The following DOK6 variants were observed in gnomAD, a reference collection of about 807,000 sequenced individuals.
DOK6 encodes docking protein 6.
Under a neutral mutation model 44.0 loss-of-function variants are expected in DOK6, and 22 were observed. The observed-to-expected ratio is 0.50, with a 90% confidence interval of 0.36 to 0.71. The LOEUF (loss-of-function observed/expected upper bound fraction) is 0.71, where lower values mean the gene tolerates loss of function less well. Ranked by LOEUF, DOK6 falls within the 30% of genes least tolerant of loss-of-function variation. DOK6 has a pLI of 0.00. For missense variants in DOK6, 340 were observed against 416.4 expected (o/e 0.82, Z 1.60); for synonymous variants, 166 against 145.5 (o/e 1.14, Z -1.01).
At chr18:69,436,712 C>A (rs1490368699) in intron 1 of DOK6, among the ~76,000 whole-genome samples, 1 of 152,160 alleles carries the variant, frequency 6.6e-6, no homozygotes, top group Non-Finnish European at 1.5e-5. Flanking sequence ...ATTTCTGGTT[C>A]TAGATCCTTG....
intron 7 of DOK6, among the ~76,000 whole-genome samples, chr18:69,815,431 T>C (rs1981370257): frequency 1.3e-5 from 2 of 152,150 alleles, no homozygotes. Flanking sequence ...ACGATAGAGA[T>C]AGGTGCTAAA....
chr18:69,465,254 G>T (rs1458508483), intron 1 of DOK6, among the ~76,000 whole-genome samples: 1 of 151,918 alleles, frequency 6.6e-6, no homozygotes, highest in African/African-American at 2.4e-5. Context: ...TACATAAGAA[G>T]ATATTGAATT....
intron 2 of DOK6, among the ~76,000 whole-genome samples, chr18:69,584,772 G>T (rs1983460688): frequency 6.6e-6 from 1 of 150,378 alleles, no homozygotes; most frequent in Non-Finnish European, 1.5e-5. Flanking sequence ...TTTTACTCAA[G>T]TTTTCTGTTT....
intron 1 of DOK6, among the ~76,000 whole-genome samples, chr18:69,458,377 G>A (rs1012726144): frequency 6.6e-6 from 1 of 152,068 alleles, no homozygotes; most frequent in Non-Finnish European, 1.5e-5. Context: ...AAAAGACTAG[G>A]CATCAAATGA....
At chr18:69,444,971 T>C (rs1314999522) in intron 1 of DOK6, among the ~76,000 whole-genome samples, 1 of 152,202 alleles carries the variant, frequency 6.6e-6, no homozygotes, top group Non-Finnish European at 1.5e-5. Context: ...GATGAACATA[T>C]AATGCCTTTC....
intron 1 of DOK6, among the ~76,000 whole-genome samples, chr18:69,525,886 C>T (rs1981817346): frequency 6.6e-6 from 1 of 152,034 alleles, no homozygotes; most frequent in African/African-American, 2.4e-5. Flanking sequence ...ACTTTTGAGT[C>T]ATGTGTAAAT....
intron 7 of DOK6, among the ~76,000 whole-genome samples, chr18:69,772,137 T>C (rs1015997888): frequency 6.6e-6 from 1 of 151,886 alleles, no homozygotes; most frequent in African/African-American, 2.4e-5. Flanking sequence ...GCCATTGCAC[T>C]CGAGTCTGGG....
At chr18:69,439,362 G>T (rs1397111134) in intron 1 of DOK6, among the ~76,000 whole-genome samples, 2 of 152,142 alleles carry the variant, frequency 1.3e-5, no homozygotes, top group East Asian at 3.9e-4. Context: ...GTCACCAGTT[G>T]CATTAACCTC....
chr18:69,658,508 A>G (rs1275716141), intron 3 of DOK6, among the ~76,000 whole-genome samples: 1 of 152,160 alleles, frequency 6.6e-6, no homozygotes, highest in Non-Finnish European at 1.5e-5. Context: ...TACTATTACT[A>G]TTGCTATTAT....
intron 1 of DOK6, among the ~76,000 whole-genome samples, chr18:69,438,578 A>C (rs1979049039): frequency 6.6e-6 from 1 of 152,202 alleles, no homozygotes; most frequent in Admixed American, 6.5e-5. Flanking sequence ...TCCTCCAATG[A>C]ATCAGAAATG....
intron 3 of DOK6, among the ~76,000 whole-genome samples, chr18:69,675,172 T>C (rs999789971): frequency 9.2e-5 from 14 of 152,206 alleles, no homozygotes; most frequent in African/African-American, 3.4e-4. Flanking sequence ...ACAGAAATTC[T>C]GCATTTAGTT....
At chr18:69,699,010 G>A (rs1333503436) in intron 5 of DOK6, among the ~76,000 whole-genome samples, 5 of 152,074 alleles carry the variant, frequency 3.3e-5, no homozygotes, top group Non-Finnish European at 5.9e-5. Flanking sequence ...TTTTTTTAAA[G>A]TTTTAAATAA....
At chr18:69,489,999 T>G (rs1009956289) in intron 1 of DOK6, among the ~76,000 whole-genome samples, 1 of 152,108 alleles carries the variant, frequency 6.6e-6, no homozygotes, top group Non-Finnish European at 1.5e-5. Context: ...ACTGCAACAT[T>G]GTAGGCTGCC....
At chr18:69,460,060 C>T (rs1021553212) in intron 1 of DOK6, among the ~76,000 whole-genome samples, 9 of 152,136 alleles carry the variant, frequency 5.9e-5, no homozygotes, top group African/African-American at 2.2e-4. Flanking sequence ...CTTATTTAAG[C>T]TGACTTCTGG....
intron 1 of DOK6, among the ~76,000 whole-genome samples, chr18:69,545,872 C>T (rs1390488441): frequency 6.6e-6 from 1 of 151,262 alleles, no homozygotes; most frequent in Admixed American, 6.6e-5. Context: ...TAAAAATGAG[C>T]TTATGCTCTA....
At chr18:69,706,575 G>A (rs934636278) in intron 5 of DOK6, among the ~76,000 whole-genome samples, 1 of 151,264 alleles carries the variant, frequency 6.6e-6, no homozygotes, top group Non-Finnish European at 1.5e-5. Context: ...TGCACAATGT[G>A]CAGGTTAGTT....
chr18:69,482,557 C>G (rs1980458229), intron 1 of DOK6, among the ~76,000 whole-genome samples: 1 of 152,026 alleles, frequency 6.6e-6, no homozygotes, highest in African/African-American at 2.4e-5. Flanking sequence ...AAAAACAATT[C>G]TGTTCTAGGC....
At chr18:69,482,579 A>G (rs906038479) in intron 1 of DOK6, among the ~76,000 whole-genome samples, 1 of 152,054 alleles carries the variant, frequency 6.6e-6, no homozygotes, top group Non-Finnish European at 1.5e-5. Context: ...GAAGCTGCCC[A>G]TTACCAAAGT....
intron 3 of DOK6, among the ~76,000 whole-genome samples, chr18:69,612,635 C>T (rs1309164112): frequency 6.7e-6 from 1 of 149,360 alleles, no homozygotes; most frequent in Non-Finnish European, 1.5e-5. Context: ...TTGCTCCCCA[C>T]TCCCATAGTA....
Sources: gnomAD v4.1 joint callset for allele counts (sites outside exome capture counted in the v4.1 genomes callset) on GRCh38, gnomAD v4.1.1 for gene constraint, MANE v1.5 for transcripts, NCBI Gene and HGNC (gene_info 2026-07-23, HGNC 2026-07-21) for gene names.